The following PIKFYVE variants were observed in gnomAD, a reference collection of about 807,000 sequenced individuals.
PIKFYVE encodes phosphoinositide kinase, FYVE-type zinc finger containing, also known as 1-phosphatidylinositol 3-phosphate 5-kinase.
In PIKFYVE, 122 loss-of-function variants were observed where a neutral mutation model predicts 257.9. That is an observed-to-expected ratio of 0.47 (90% CI 0.41 to 0.55). PIKFYVE has a LOEUF of 0.55. PIKFYVE is among the 20% of genes least tolerant of loss of function. The pLI is 0.00. For synonymous variants in PIKFYVE, 892 were observed against 868.9 expected (o/e 1.03, Z -0.47); for missense variants, 2,160 against 2,536.6 (o/e 0.85, Z 3.19).
rs1346096494 is a variant in PIKFYVE at position 208,326,344 on chromosome 2, G to A, written c.3533G>A (p.Ser1178Asn). The A allele has an allele frequency of 6.2e-7, 1 of 1,613,840 alleles. No homozygotes were observed. The highest frequency in any genetic ancestry group is 1.1e-5 in the South Asian group (1 of 90,998). The stretch of plus-strand genomic sequence containing the variant: ...TTTGCTCATTCAAAGGATGCATCAA[G>A]TACTTCAAGTGGCCAATCAGGAAGC... ...DPFAHSKDASSTSSGQSGSKN... is the reference protein window; with the variant it reads ...DPFAHSKDASNTSSGQSGSKN... Residue 1178 changes from serine (S) to asparagine (N), a missense_variant, in exon 20 of 42, where the codon AGT becomes AAT. By Grantham distance (46) the Ser-to-Asn change is conservative. Coordinates refer to ENST00000264380, the MANE Select transcript of PIKFYVE (RefSeq NM_015040.4).
chr2:208,327,420 A>G (rs1187429342), intron 20 of PIKFYVE, among the ~76,000 whole-genome samples: 2 of 152,204 alleles, frequency 1.3e-5, no homozygotes, highest in Non-Finnish European at 1.5e-5. Context: ...ATGTACAAAG[A>G]TGTTTATTGA....
At chr2:208,347,001 GAGAC>G (rs1487526220) in intron 34 of PIKFYVE, among the ~76,000 whole-genome samples, 1 of 152,216 alleles carries the variant, frequency 6.6e-6, no homozygotes, top group African/African-American at 2.4e-5. Context: ...CTGACTGAAA[GAGAC>G]AGAGAAAGTA....
intron 31 of PIKFYVE, among the ~76,000 whole-genome samples, chr2:208,341,397 T>A (rs1182182029): frequency 2.6e-5 from 4 of 152,180 alleles, no homozygotes; most frequent in African/African-American, 9.7e-5. Context: ...TTCAGTCCTG[T>A]TCTTTCTAAG....
At chr2:208,277,893 TATC>T (rs756716334) in intron 5 of PIKFYVE, among the ~76,000 whole-genome samples, 185 bp downstream of exon 5, 5 of 152,188 alleles carry the variant, frequency 3.3e-5, no homozygotes, top group African/African-American at 7.2e-5. Context: ...AGATGGGACT[TATC>T]ATAAATAACT....
At chr2:208,270,384 C>T (rs758253434) in intron 1 of PIKFYVE, among the ~76,000 whole-genome samples, 7 of 152,130 alleles carry the variant, frequency 4.6e-5, no homozygotes, top group Non-Finnish European at 1.0e-4. Context: ...CATGGTTCTT[C>T]TCTTTGAAAT....
intron 7 of PIKFYVE, among the ~76,000 whole-genome samples, chr2:208,298,248 T>C (rs1343801045): frequency 1.3e-5 from 2 of 152,082 alleles, no homozygotes; most frequent in African/African-American, 4.8e-5. Flanking sequence ...ATATTTGTTA[T>C]TAAAAAAAAA....
intron 31 of PIKFYVE, among the ~76,000 whole-genome samples, chr2:208,341,853 TA>T (rs774718900): frequency 7.2e-5 from 11 of 152,308 alleles, no homozygotes; most frequent in Non-Finnish European, 1.3e-4. Flanking sequence ...ATTCATTCTG[TA>T]GCAATTCCCT....
intron 12 of PIKFYVE, 56 bp downstream of exon 12, chr2:208,305,069 G>A: frequency 6.2e-7 from 1 of 1,609,398 alleles, no homozygotes; most frequent in Non-Finnish European, 8.5e-7. Context: ...TGGGCCATAG[G>A]ATCTCATGCC....
At chr2:208,307,245 A>G (rs187594745) in intron 12 of PIKFYVE, among the ~76,000 whole-genome samples, 1 of 152,322 alleles carries the variant, frequency 6.6e-6, no homozygotes, top group African/African-American at 2.4e-5. Context: ...AAAGATTTAA[A>G]GTTTGGTAGA....
intron 7 of PIKFYVE, among the ~76,000 whole-genome samples, chr2:208,292,736 G>A (rs1692474790): frequency 6.6e-6 from 1 of 151,846 alleles, no homozygotes; most frequent in South Asian, 2.1e-4. Flanking sequence ...CATAATAATT[G>A]TGCATATTTA....
At position 208,326,108 on chromosome 2, in the gene PIKFYVE, G is replaced by A. The variant is rs754767440; in HGVS notation, c.3297G>A (p.Glu1099=). ...TCAATAAAGAATTCAAAGAAATGGAGAACAGGAGGAAGAAACAGCTGCTCA... is the reference window on the plus strand; with the variant it reads ...TCAATAAAGAATTCAAAGAAATGGAAAACAGGAGGAAGAAACAGCTGCTCA... ...PLLNKEFKEM[E]NRRKKQLLRD... The change falls in exon 20 of 42, where the codon GAG becomes GAA. Residue 1099 remains glutamate, a synonymous_variant. Coordinates refer to ENST00000264380, the MANE Select transcript of PIKFYVE (RefSeq NM_015040.4). 1 of 1,614,124 alleles carries A rather than the reference G, an allele frequency of 6.2e-7. No homozygotes were observed. The highest frequency in any genetic ancestry group is 8.5e-7 in the Non-Finnish European group (1 of 1,180,014).
At chr2:208,314,143 G>A (rs1695220567) in intron 13 of PIKFYVE, 151 bp from the exon 14 acceptor site, 1 of 751,076 alleles carries the variant, frequency 1.3e-6, no homozygotes, top group Admixed American at 2.4e-5. Context: ...TTATTTATAT[G>A]TTTATTACAT....
At position 208,358,399 on chromosome 2, in the gene PIKFYVE, G is replaced by GTTT. The variant is rs10622340; in HGVS notation, c.*3102_*3104dup. 112,274 of 147,848 alleles carry GTTT rather than the reference G, an allele frequency of 0.76. 43,811 individuals carry two copies. Among genetic ancestry groups the GTTT allele is most frequent in the East Asian group, 0.92 (4,677 of 5,096 alleles). 9.2% of individuals were successfully genotyped at this position (147,848 alleles called of 1,614,324 possible). ...CATCTAGTGCAATGTTTTTGTTTTT[G>GTTT]TTTTTTTTTTGGTAACACAGGTGCA... On this transcript the variant is annotated 3_prime_UTR_variant, in exon 42 of 42. Transcript: ENST00000264380.
chr2:208,345,106 C>T lies in PIKFYVE; in HGVS notation c.5028-5C>T. On this transcript the variant is annotated splice_polypyrimidine_tract_variant and splice_region_variant and intron_variant, in intron 32 of 41. Transcript: ENST00000264380. ...TAACGTTTTTCAACCTATTTCTGCC[C>T]TAAGTTGTAAAGAATACCGAAATGC... is the stretch of plus-strand genomic sequence containing the variant. The T allele has an allele frequency of 6.3e-7, 1 of 1,593,812 alleles. No individual in the cohort carries two copies. Among genetic ancestry groups the T allele is most frequent in the East Asian group, 2.2e-5 (1 of 44,652 alleles).
chr2:208,279,916 G>C (rs1207385154), intron 5 of PIKFYVE, among the ~76,000 whole-genome samples: 2 of 152,156 alleles, frequency 1.3e-5, no homozygotes, highest in Non-Finnish European at 2.9e-5. Context: ...TAAGCAAAAA[G>C]AACAAGGCAG....
At chr2:208,321,340 A>T (rs1696179498) in intron 17 of PIKFYVE, among the ~76,000 whole-genome samples, 1 of 152,142 alleles carries the variant, frequency 6.6e-6, no homozygotes, top group Non-Finnish European at 1.5e-5. Flanking sequence ...TGGTAGGAGC[A>T]ATCACTTTTG....
chr2:208,272,005 C>T (rs1439563274), intron 2 of PIKFYVE, among the ~76,000 whole-genome samples: 4 of 152,032 alleles, frequency 2.6e-5, no homozygotes, highest in South Asian at 2.1e-4. Context: ...GAGGCTGAGG[C>T]GGGTGGATCA....
At chr2:208,340,269 T>G in intron 31 of PIKFYVE, 138 bp downstream of exon 31, 1 of 1,141,882 alleles carries the variant, frequency 8.8e-7, no homozygotes, top group Non-Finnish European at 1.3e-6. Flanking sequence ...AGAGATGTCT[T>G]TTGATACAAT....
At chr2:208,329,263 G>A (rs1323430183) in intron 21 of PIKFYVE, among the ~76,000 whole-genome samples, 1 of 152,158 alleles carries the variant, frequency 6.6e-6, no homozygotes, top group Non-Finnish European at 1.5e-5. Context: ...CCAGCAGTGA[G>A]CTCATGGGTT....
Sources: allele counts gnomAD v4.1 joint callset (sites outside exome capture counted in the v4.1 genomes callset), GRCh38; gene constraint gnomAD v4.1.1; transcripts MANE v1.5; gene names NCBI Gene and HGNC (gene_info 2026-07-23, HGNC 2026-07-21).